NR3C2: variants seen among roughly 807,000 people sequenced by gnomAD.
The protein encoded by NR3C2 is mineralocorticoid receptor.
In NR3C2, 15 loss-of-function variants were observed where a neutral mutation model predicts 86.4. The observed-to-expected ratio is 0.17, with a 90% CI of 0.12 to 0.27. The LOEUF is 0.27. Among genes scored for constraint, NR3C2 ranks in the 10% least tolerant of loss-of-function variants. NR3C2 has a pLI of 1.00. For missense variants in NR3C2, 960 were observed against 1,195.6 expected, an observed-to-expected ratio of 0.80 and a Z score of 2.91; for synonymous variants, 458 against 450.5, an observed-to-expected ratio of 1.02 and a Z score of -0.21.
intron 4 of NR3C2, among the ~76,000 whole-genome samples, chr4:148,170,517 T>A (rs1367085461): frequency 1.3e-5 from 2 of 151,926 alleles, no homozygotes; most frequent in South Asian, 2.1e-4. Context: ...TGAAAAAAAA[T>A]TTTTTTTGAA....
At chr4:148,086,976 A>G (rs1730843829) in intron 8 of NR3C2, among the ~76,000 whole-genome samples, 1 of 152,222 alleles carries the variant, frequency 6.6e-6, no homozygotes. Flanking sequence ...GGAAGACAGG[A>G]AGTCAAATTG....
At chr4:148,173,168 G>T (rs907650881) in intron 4 of NR3C2, among the ~76,000 whole-genome samples, 17 of 152,200 alleles carry the variant, frequency 1.1e-4, no homozygotes, top group African/African-American at 4.1e-4. Context: ...AATGAGGTGG[G>T]TGACAGAGTG....
chr4:148,165,329 T>C (rs1347301236), intron 4 of NR3C2, among the ~76,000 whole-genome samples: 1 of 152,158 alleles, frequency 6.6e-6, no homozygotes, highest in Non-Finnish European at 1.5e-5. Flanking sequence ...GTTGCCTAAA[T>C]TTAATTTCAG....
At chr4:148,330,394 C>T (rs773016253) in intron 2 of NR3C2, among the ~76,000 whole-genome samples, 7 of 152,118 alleles carry the variant, frequency 4.6e-5, no homozygotes, top group African/African-American at 1.4e-4. Context: ...TCTATTTTAT[C>T]GATTTATAGC....
chr4:148,239,058 T>C (rs760385703), intron 3 of NR3C2, among the ~76,000 whole-genome samples: 9 of 152,268 alleles, frequency 5.9e-5, no homozygotes, highest in African/African-American at 1.9e-4. Flanking sequence ...AGCTGAAGAA[T>C]AGACGTAGAG....
At chr4:148,129,115 G>A (rs1163142178) in intron 6 of NR3C2, among the ~76,000 whole-genome samples, 2 of 152,212 alleles carry the variant, frequency 1.3e-5, no homozygotes, top group African/African-American at 2.4e-5. Context: ...GCAAAAGATA[G>A]AAGCAACCCA....
chr4:148,395,662 T>C (rs1747823296), intron 2 of NR3C2, among the ~76,000 whole-genome samples: 1 of 152,218 alleles, frequency 6.6e-6, no homozygotes, highest in Admixed American at 6.5e-5. Flanking sequence ...TGAACCATAC[T>C]CAATGAAATA....
intron 2 of NR3C2, among the ~76,000 whole-genome samples, chr4:148,299,402 T>A (rs1450747284): frequency 6.6e-6 from 1 of 152,094 alleles, no homozygotes; most frequent in Non-Finnish European, 1.5e-5. Context: ...TCGGCCTTGG[T>A]CCAACCCGGA....
chr4:148,262,757 A>C (rs1220429474), intron 2 of NR3C2, among the ~76,000 whole-genome samples: 2 of 152,208 alleles, frequency 1.3e-5, no homozygotes, highest in African/African-American at 4.8e-5. Context: ...AGACACCTGC[A>C]TGAGGAGAAC....
chr4:148,366,157 T>A (rs1380606859), intron 2 of NR3C2, among the ~76,000 whole-genome samples: 1 of 152,108 alleles, frequency 6.6e-6, no homozygotes, highest in Non-Finnish European at 1.5e-5. Context: ...TGAAAATATA[T>A]AATGTTAGAC....
At chr4:148,425,506 C>G (rs2126621737) in intron 2 of NR3C2, among the ~76,000 whole-genome samples, 1 of 152,212 alleles carries the variant, frequency 6.6e-6, no homozygotes, top group Admixed American at 6.5e-5. Context: ...GGAGGCATAG[C>G]CTTCTTGGCA....
chr4:148,206,917 T>C (rs985036375), intron 3 of NR3C2, among the ~76,000 whole-genome samples: 7 of 152,142 alleles, frequency 4.6e-5, no homozygotes, highest in Admixed American at 2.0e-4. Flanking sequence ...ATGTTTAATG[T>C]TTATGATAAT....
chr4:148,395,862 TA>T (rs1747831478), intron 2 of NR3C2, among the ~76,000 whole-genome samples: 2 of 152,206 alleles, frequency 1.3e-5, no homozygotes, highest in Non-Finnish European at 2.9e-5. Flanking sequence ...TTCATTCAAG[TA>T]AAATGATTGA....
intron 3 of NR3C2, among the ~76,000 whole-genome samples, chr4:148,222,222 T>C (rs1424968915): frequency 1.3e-5 from 2 of 152,222 alleles, no homozygotes; most frequent in Admixed American, 6.5e-5. Context: ...ATATATCTTA[T>C]GAAGAATCAT....
At chr4:148,402,235 G>A (rs567905203) in intron 2 of NR3C2, among the ~76,000 whole-genome samples, 2 of 152,230 alleles carry the variant, frequency 1.3e-5, no homozygotes, top group South Asian at 4.1e-4. Context: ...GCAATAAACT[G>A]CCAGATCAAA....
At chr4:148,432,788 T>C (rs1749854413) in intron 2 of NR3C2, among the ~76,000 whole-genome samples, 1 of 152,186 alleles carries the variant, frequency 6.6e-6, no homozygotes, top group Non-Finnish European at 1.5e-5. Context: ...TATTATAACA[T>C]GTAGACTGAA....
intron 4 of NR3C2, among the ~76,000 whole-genome samples, chr4:148,187,972 T>C (rs1027661216): frequency 4.6e-5 from 7 of 151,846 alleles, no homozygotes; most frequent in African/African-American, 1.7e-4. Flanking sequence ...TTTGTTGAAA[T>C]GTCCTTTCCC....
chr4:148,342,072 C>T (rs1409580574), intron 2 of NR3C2, among the ~76,000 whole-genome samples: 3 of 151,954 alleles, frequency 2.0e-5, no homozygotes, highest in Non-Finnish European at 4.4e-5. Flanking sequence ...AGCAACCAGC[C>T]GGGGGGATGA....
intron 2 of NR3C2, among the ~76,000 whole-genome samples, chr4:148,390,955 T>C (rs1747517266): frequency 6.6e-6 from 1 of 152,220 alleles, no homozygotes; most frequent in South Asian, 2.1e-4. Flanking sequence ...AACCAATTGT[T>C]GCTAAAATGC....
Sources: gnomAD v4.1 joint callset for allele counts (sites outside exome capture counted in the v4.1 genomes callset) on GRCh38, gnomAD v4.1.1 for gene constraint, MANE v1.5 for transcripts, NCBI Gene and HGNC (gene_info 2026-07-23, HGNC 2026-07-21) for gene names.